The following GRID1 variants were observed in gnomAD, a reference collection of about 807,000 sequenced individuals.
GRID1 encodes glutamate receptor ionotropic, delta-1.
In GRID1, 28 loss-of-function variants were observed where a neutral mutation model predicts 98.0. The ratio of observed to expected loss-of-function variants is 0.29; its 90% confidence interval spans 0.21 to 0.39. The LOEUF is 0.39. Ranked by LOEUF, GRID1 falls within the 10% of genes least tolerant of loss-of-function variation. The pLI is 1.00. For synonymous variants in GRID1, 553 were observed against 538.5 expected, an observed-to-expected ratio of 1.03 and a Z score of -0.37; for missense variants, 1,111 against 1,340.5, an observed-to-expected ratio of 0.83 and a Z score of 2.67.
intron 3 of GRID1, among the ~76,000 whole-genome samples, chr10:86,173,325 C>T (rs537276856): frequency 1.3e-5 from 2 of 152,224 alleles, no homozygotes; most frequent in Non-Finnish European, 2.9e-5. Context: ...AGGCATAAGC[C>T]ACTGCACCTG....
intron 4 of GRID1, among the ~76,000 whole-genome samples, chr10:85,934,262 A>G (rs1280743114): frequency 6.6e-6 from 1 of 152,170 alleles, no homozygotes; most frequent in Non-Finnish European, 1.5e-5. Context: ...AGGAAGAAGT[A>G]GGTCATTGAA....
At chr10:86,246,289 G>A (rs1326003843) in intron 2 of GRID1, among the ~76,000 whole-genome samples, 1 of 152,218 alleles carries the variant, frequency 6.6e-6, no homozygotes, top group African/African-American at 2.4e-5. Context: ...AAAGCCACAG[G>A]GCCTTGTGAA....
At chr10:85,605,499 G>C (rs1399524394) in intron 15 of GRID1, 1 of 152,202 alleles carries the variant, frequency 6.6e-6, no homozygotes, top group Admixed American at 6.5e-5. Context: ...GGAAGAACTA[G>C]TTAGTAATTA....
chr10:85,762,065 C>T (rs1346492634), intron 8 of GRID1, among the ~76,000 whole-genome samples: 2 of 152,176 alleles, frequency 1.3e-5, no homozygotes, highest in Admixed American at 1.3e-4. Flanking sequence ...CTCCCATTTG[C>T]TCCACCCACA....
chr10:86,333,240 G>C (rs1413610565), intron 2 of GRID1, among the ~76,000 whole-genome samples: 1 of 152,142 alleles, frequency 6.6e-6, no homozygotes, highest in South Asian at 2.1e-4. Flanking sequence ...TAGGCAACCT[G>C]GTCAACTCCT....
intron 12 of GRID1, among the ~76,000 whole-genome samples, chr10:85,694,187 C>T (rs1000256569): frequency 4.0e-5 from 6 of 151,820 alleles, no homozygotes; most frequent in African/African-American, 7.3e-5. Flanking sequence ...TCAACATCAC[C>T]GATTATCAGA....
intron 4 of GRID1, among the ~76,000 whole-genome samples, chr10:86,092,132 G>C (rs1844158976): frequency 1.3e-5 from 2 of 152,042 alleles, no homozygotes; most frequent in African/African-American, 4.8e-5. Context: ...AAACCAAGAA[G>C]AAATCCCAGA....
At chr10:85,894,968 AC>A (rs1841264687) in intron 5 of GRID1, among the ~76,000 whole-genome samples, 1 of 146,576 alleles carries the variant, frequency 6.8e-6, no homozygotes, top group South Asian at 2.2e-4. Context: ...AGATTGTGTC[AC>A]TGCACCACAG....
At chr10:86,268,868 G>T (rs545078128) in intron 2 of GRID1, among the ~76,000 whole-genome samples, 1 of 152,284 alleles carries the variant, frequency 6.6e-6, no homozygotes, top group Admixed American at 6.5e-5. Context: ...GCACATGCCT[G>T]TAGTCCCAGC....
chr10:85,884,017 C>T (rs989788910), intron 5 of GRID1, among the ~76,000 whole-genome samples: 1 of 152,158 alleles, frequency 6.6e-6, no homozygotes, highest in Admixed American at 6.5e-5. Flanking sequence ...CTATTCCTTG[C>T]ACAATCATAA....
intron 4 of GRID1, among the ~76,000 whole-genome samples, chr10:86,137,613 A>C (rs1844947764): frequency 6.6e-6 from 1 of 152,242 alleles, no homozygotes; most frequent in Admixed American, 6.5e-5. Context: ...ATTCTGAGAA[A>C]GAATGGACAT....
intron 4 of GRID1, among the ~76,000 whole-genome samples, chr10:85,939,177 C>G (rs1456200104): frequency 6.6e-6 from 1 of 152,174 alleles, no homozygotes; most frequent in Admixed American, 6.5e-5. Context: ...ATTCCTCCAA[C>G]CTGAGTTCAA....
At chr10:85,900,805 T>C (rs377438513) in intron 5 of GRID1, among the ~76,000 whole-genome samples, 2 of 152,312 alleles carry the variant, frequency 1.3e-5, no homozygotes, top group East Asian at 3.9e-4. Flanking sequence ...TTCACAGGTG[T>C]TCAGTACATG....
intron 15 of GRID1, chr10:85,605,582 A>G (rs962485260): frequency 2.0e-5 from 3 of 152,226 alleles, no homozygotes; most frequent in Non-Finnish European, 2.9e-5. Context: ...TTTGAAGATG[A>G]AAAGAAAGAA....
Position 85,601,573 on chromosome 10 carries a change from C to A in GRID1, c.*700G>T, listed in dbSNP as rs3812650. On this transcript the variant is annotated 3_prime_UTR_variant, in exon 16 of 16. Transcript: ENST00000327946. ...AGCTCAGTATCAAAGCCCTCAATTA[C>A]CTCACTATGGGTAATTGTCAGCTTC... The A allele has an allele frequency of 0.086, 13,086 of 152,324 alleles. 654 individuals are homozygous for A. The highest frequency in any genetic ancestry group is 0.18 in the East Asian group (908 of 5,178). 9.4% of individuals were successfully genotyped at this position (152,324 alleles called of 1,614,324 possible). A position where few individuals can be genotyped will look rare whatever the true frequency, so the allele number is the denominator to read the frequency against.
intron 13 of GRID1, chr10:85,646,090 T>TG (rs56928465): frequency 6.6e-6 from 1 of 150,594 alleles, no homozygotes; most frequent in Non-Finnish European, 1.5e-5. Flanking sequence ...CTGGAGTGGC[T>TG]GGGGGGGCAG....
rs138984541 is a variant in GRID1, at chr10:85,723,109, G to A, written c.1891C>T (p.Arg631Cys). 17 of 1,610,972 alleles carry A rather than the reference G, an allele frequency of 1.1e-5. No individual in the cohort carries two copies. Among genetic ancestry groups the A allele is most frequent in the East Asian group, 6.7e-5 (3 of 44,768 alleles). Residue 631 changes from arginine (R) to cysteine (C), a missense_variant, in exon 12 of 16, where the codon CGC (arginine) becomes TGC (cysteine). By Grantham distance (180) the Arg-to-Cys change is radical. Around this residue, in one of 3 missense-constraint regions of GRID1, gnomAD observed 762 missense variants for 869.1 expected, o/e 0.88. Coordinates refer to ENST00000327946, the MANE Select transcript of GRID1 (RefSeq NM_017551.3). ...GESSVNSMAM[R>C]IVMGSWWLFT... ...AGCCACCAGCTGCCCATCACGATGC[G>A]CATGGCCATGGAGTTCACGGAAGAT...
At chr10:86,217,237 ACAGT>A (rs896867796) in intron 2 of GRID1, among the ~76,000 whole-genome samples, 5 of 152,208 alleles carry the variant, frequency 3.3e-5, no homozygotes, top group African/African-American at 1.2e-4. Context: ...AGCCCAGGAG[ACAGT>A]CAGGCCACTG....
chr10:85,881,178 C>T (rs545497897), intron 5 of GRID1, among the ~76,000 whole-genome samples: 4 of 152,218 alleles, frequency 2.6e-5, no homozygotes, highest in South Asian at 2.1e-4. Flanking sequence ...GAATCAATAT[C>T]GTGAAAATGG....
Sources: allele counts gnomAD v4.1 joint callset (sites outside exome capture counted in the v4.1 genomes callset), GRCh38; gene constraint gnomAD v4.1.1; regional missense constraint gnomAD v4.1.1; transcripts MANE v1.5; gene names NCBI Gene and HGNC (gene_info 2026-07-23, HGNC 2026-07-21).